CEP350: variants seen among roughly 807,000 people sequenced by gnomAD.
CEP350 encodes centrosomal protein 350, also known as centrosome-associated protein 350.
CEP350 carries 126 observed loss-of-function variants against 331.8 expected under a neutral mutation model. That is an observed-to-expected ratio of 0.38 (90% CI 0.33 to 0.44). The LOEUF (loss-of-function observed/expected upper bound fraction) is 0.44. CEP350 is among the 20% of genes least tolerant of loss of function. The pLI, the probability that CEP350 is intolerant of heterozygous loss-of-function variation, is 1.00. For synonymous variants in CEP350, 1,200 were observed against 1,259.5 expected, an observed-to-expected ratio of 0.95 and a Z score of 1.00; for missense variants, 3,406 against 3,634.6, an observed-to-expected ratio of 0.94 and a Z score of 1.62.
At position 180,109,014 on chromosome 1, in the gene CEP350, C is replaced by T. The variant is rs1233586624; in HGVS notation, c.9190-1983C>T. On this transcript the variant is annotated intron_variant, in intron 37 of 37. Transcript: ENST00000367607. Reference sequence around the variant, plus strand: ...ATATATGTTGGACAATACTGTTCTTCCCCTCTCTTACTCTCTCAAGCTTCA... The same window carrying T: ...ATATATGTTGGACAATACTGTTCTTTCCCTCTCTTACTCTCTCAAGCTTCA... 2.6e-5 allele frequency among the ~76,000 whole-genome samples: 4 copies of T among 152,138 alleles called. No individual in the cohort carries two copies. The East Asian group carries it at 5.8e-4, about 22-fold the overall frequency.
At chr1:179,967,516 G>A (rs9699897) in intron 1 of CEP350, among the ~76,000 whole-genome samples, 21,318 of 152,062 alleles carry the variant, frequency 0.14, 1,596 homozygotes, top group African/African-American at 0.17. Context: ...GGTTCAAGCA[G>A]TTCTCCTGTC....
In CEP350 at chr1:180,096,125, A is replaced by G. The variant is rs1486017805; in HGVS notation, c.9007A>G (p.Arg3003Gly). The G allele has an allele frequency of 6.4e-7, 1 of 1,566,882 alleles. No individual in the cohort carries two copies. The highest frequency in any genetic ancestry group is 8.7e-7 in the Non-Finnish European group (1 of 1,153,844). Reference protein sequence around the residue: ...LNQPVWMKPCRINSSYFRRVK... With the variant: ...LNQPVWMKPCGINSSYFRRVK... ...TCAACCTGTCTGGATGAAGCCATGTAGAATCAACTCTAGTTATTTCCGACG... is the reference window on the plus strand; with the variant it reads ...TCAACCTGTCTGGATGAAGCCATGTGGAATCAACTCTAGTTATTTCCGACG... The change falls in exon 36 of 38, where the codon AGA (arginine) becomes GGA (glycine). Residue 3003 changes from arginine to glycine, a missense_variant. Arg to Gly is a moderately radical substitution (Grantham distance 125). Around this residue, in one of 5 missense-constraint regions of CEP350, gnomAD observed 1,415 missense variants for 1,512.3 expected, o/e 0.94. Transcript: ENST00000367607.
At chr1:180,009,548 T>A (rs774963746) in intron 8 of CEP350, among the ~76,000 whole-genome samples, 4 of 152,214 alleles carry the variant, frequency 2.6e-5, no homozygotes, top group Non-Finnish European at 5.9e-5. Context: ...AATTCCTTTT[T>A]TTTTAACCAA....
chr1:179,961,262 G>A (rs1650591381), intron 1 of CEP350, among the ~76,000 whole-genome samples: 1 of 151,914 alleles, frequency 6.6e-6, no homozygotes, highest in Non-Finnish European at 1.5e-5. Context: ...CCTGGCCAAC[G>A]TGGTGAAACA....
intron 25 of CEP350, among the ~76,000 whole-genome samples, chr1:180,058,116 GGT>G (rs1657971049): frequency 6.6e-6 from 1 of 151,908 alleles, no homozygotes; most frequent in Non-Finnish European, 1.5e-5. Context: ...GTTCTGTCTT[GGT>G]ATATATCCTA....
At chr1:180,043,941 A>G (rs976845173) in intron 20 of CEP350, 110 bp from the exon 21 acceptor site, 2 of 945,328 alleles carry the variant, frequency 2.1e-6, no homozygotes, top group Non-Finnish European at 1.5e-6. Flanking sequence ...AAGTTATTTT[A>G]TAATATCTAT....
chr1:180,026,203 A>G (rs1655661453), intron 14 of CEP350, among the ~76,000 whole-genome samples: 1 of 151,978 alleles, frequency 6.6e-6, no homozygotes, highest in African/African-American at 2.4e-5. Flanking sequence ...CCCAGGAGGC[A>G]GAGGTTGCAG....
chr1:180,008,622 T>C (rs1339019229), intron 8 of CEP350, among the ~76,000 whole-genome samples: 2 of 152,214 alleles, frequency 1.3e-5, no homozygotes, highest in African/African-American at 2.4e-5. Flanking sequence ...TATACAAATA[T>C]TAATATTTTG....
intron 29 of CEP350, 128 bp from the exon 30 acceptor site, chr1:180,080,389 C>T: frequency 2.5e-6 from 2 of 785,272 alleles, no homozygotes; most frequent in Non-Finnish European, 3.9e-6. Flanking sequence ...ACTTTTTTCA[C>T]TTATGTCTTA....
chr1:179,996,613 C>T lies in CEP350; in HGVS notation c.456C>T (p.Tyr152=), dbSNP rs1051380882. ...SSSHLESKHV[Y]CVDVNEEKTE... ...GCCATCTGGAATCAAAGCACGTATA[C>T]TGTGTAGATGTTAATGAAGAAAAGA... The change falls in exon 6 of 38, where the codon TAC becomes TAT. Residue 152 remains tyrosine, a synonymous_variant. Coordinates refer to ENST00000367607, the MANE Select transcript of CEP350 (RefSeq NM_014810.5). 4 of 1,606,364 alleles carry T rather than the reference C, an allele frequency of 2.5e-6. No homozygotes were observed. Among genetic ancestry groups the T allele is most frequent in the Middle Eastern group, 1.7e-4 (1 of 6,060 alleles).
chr1:180,011,407 A>T (rs1316824050), intron 8 of CEP350, among the ~76,000 whole-genome samples: 1 of 152,172 alleles, frequency 6.6e-6, no homozygotes, highest in Non-Finnish European at 1.5e-5. Flanking sequence ...CACTTGTTGT[A>T]TGTTAAGACA....
At chr1:179,969,397 C>G in intron 1 of CEP350, 1 of 513,652 alleles carries the variant, frequency 1.9e-6, no homozygotes, top group Non-Finnish European at 3.9e-6. Flanking sequence ...TGCGGGTGCC[C>G]TCTGTGCCTA....
chr1:180,089,582 CA>C (rs71660691), intron 32 of CEP350, among the ~76,000 whole-genome samples: 6,876 of 86,090 alleles, frequency 0.08, 171 homozygotes, highest in African/African-American at 0.13. Flanking sequence ...GACTCCATCT[CA>C]AAAAAAAAAA....
intron 1 of CEP350, among the ~76,000 whole-genome samples, chr1:179,984,796 A>G (rs1482826586): frequency 6.6e-6 from 1 of 152,164 alleles, no homozygotes; most frequent in African/African-American, 2.4e-5. Context: ...TAATGATTAT[A>G]TTAGGATTTA....
intron 12 of CEP350, among the ~76,000 whole-genome samples, chr1:180,021,336 GACCATAGTTATGTACTTCAGTAGAA>G (rs1284517999): frequency 4.6e-5 from 7 of 152,156 alleles, no homozygotes; most frequent in African/African-American, 7.2e-5. Context: ...CATTTTCTGT[GACCATAGTTATGTACTTCAGTAGAA>G]ACTAAGTATA....
At chr1:179,997,222 T>C in intron 6 of CEP350, 47 bp downstream of exon 6, 1 of 1,554,216 alleles carries the variant, frequency 6.4e-7, no homozygotes, top group Non-Finnish European at 8.7e-7. Context: ...TCTTTGTTCT[T>C]CTTTCTCCCT....
chr1:180,087,491 C>T, intron 31 of CEP350, 87 bp from the exon 32 acceptor site: 1 of 1,212,458 alleles, frequency 8.2e-7, no homozygotes. Flanking sequence ...ACTGTTTGAG[C>T]ATTTTACCTT....
rs367699002 is a variant in CEP350 at position 180,014,448 on chromosome 1, A to G, written c.1995A>G (p.Leu665=). ...RRLQETYSKL[L]LEKTLLEEPS... The stretch of plus-strand genomic sequence containing the variant: ...TACAGGAAACTTACTCCAAATTGCT[A>G]CTAGAAAAGACCTTGCTTGAAGAGC... Residue 665 remains leucine (L), a synonymous_variant, in exon 10 of 38, where the codon CTA becomes CTG. Transcript: ENST00000367607. The G allele has an allele frequency of 1.9e-6, 3 of 1,609,792 alleles. No individual in the cohort carries two copies. Among genetic ancestry groups the G allele is most frequent in the Non-Finnish European group, 2.5e-6 (3 of 1,178,346 alleles).
At chr1:179,972,481 G>T (rs57875912) in intron 1 of CEP350, among the ~76,000 whole-genome samples, 2,550 of 152,118 alleles carry the variant, frequency 0.017, 73 homozygotes, top group African/African-American at 0.058. Flanking sequence ...GTGTATAGAA[G>T]TCAAGGGAAA....
Sources: gnomAD v4.1 joint callset for allele counts (sites outside exome capture counted in the v4.1 genomes callset) on GRCh38, gnomAD v4.1.1 for gene constraint, gnomAD v4.1.1 regional missense constraint, MANE v1.5 for transcripts, NCBI Gene and HGNC (gene_info 2026-07-23, HGNC 2026-07-21) for gene names.